Variants in SLC12A1 observed in about 807,000 individuals in gnomAD.
SLC12A1 encodes the protein solute carrier family 12 member 1.
Under a neutral mutation model 130.4 loss-of-function variants are expected in SLC12A1, and 89 were observed. That is an observed-to-expected ratio of 0.68 (90% CI 0.58 to 0.81). SLC12A1 has a LOEUF of 0.81. SLC12A1 is among the 40% of genes least tolerant of loss of function. The pLI, the probability that SLC12A1 is intolerant of heterozygous loss-of-function variation, is 0.00. For missense variants in SLC12A1, 1,310 were observed against 1,336.4 expected, an observed-to-expected ratio of 0.98 and a Z score of 0.31; for synonymous variants, 499 against 460.0, an observed-to-expected ratio of 1.08 and a Z score of -1.09.
chr15:48,245,151 T>C (rs1240736198), intron 11 of SLC12A1, among the ~76,000 whole-genome samples: 1 of 152,250 alleles, frequency 6.6e-6, no homozygotes, highest in East Asian at 1.9e-4. Flanking sequence ...GATCATCTCC[T>C]GGCACTATGT....
At chr15:48,223,040 A>G (rs1000015081) in intron 4 of SLC12A1, 1 of 152,234 alleles carries the variant, frequency 6.6e-6, no homozygotes, top group Non-Finnish European at 1.5e-5. Flanking sequence ...CCATCAAGCA[A>G]GGAAGTTAGG....
At chr15:48,273,644 C>T (rs150258798) in intron 19 of SLC12A1, among the ~76,000 whole-genome samples, 17 of 152,282 alleles carry the variant, frequency 1.1e-4, no homozygotes, top group Admixed American at 9.8e-4. Context: ...CAGAATAGAA[C>T]TATTCTGTTA....
intron 2 of SLC12A1, 55 bp from the exon 3 acceptor site, chr15:48,220,579 T>C (rs2041198887): frequency 3.9e-6 from 6 of 1,521,626 alleles, no homozygotes; most frequent in Non-Finnish European, 4.4e-6. Context: ...AAAAGTTTCA[T>C]GGAACCCTTT....
At chr15:48,250,445 A>G (rs56862594) in intron 14 of SLC12A1, among the ~76,000 whole-genome samples, 4,206 of 152,316 alleles carry the variant, frequency 0.028, 203 homozygotes, top group African/African-American at 0.097. Flanking sequence ...TCTAACGAAT[A>G]CTAGGCTACA....
rs986836079 is a variant in SLC12A1 at position 48,288,100 on chromosome 15, T to G, written c.2687T>G (p.Val896Gly). The change falls in exon 22 of 27, where the codon GTG becomes GGG. Residue 896 changes from valine to glycine, a missense_variant. By Grantham distance (109) the Val-to-Gly change is moderately radical (BLOSUM62 -3). Transcript: ENST00000380993. ...MHVGEFNQKL[V>G]EASTQFKKKQ... ...GTGGGAGAGTTCAACCAGAAACTGG[T>G]GGAAGCCAGCACTCAATTTAAAAAG... 2.5e-6 allele frequency: 4 copies of G among 1,610,982 alleles called. No individual in the cohort carries two copies. The highest frequency in any genetic ancestry group is 1.7e-5 in the Admixed American group (1 of 59,540).
At chr15:48,221,239 G>A in intron 4 of SLC12A1, 1 of 675,392 alleles carries the variant, frequency 1.5e-6, no homozygotes, top group South Asian at 1.6e-5. Context: ...TCTCTCTTTT[G>A]ATAGAGTTTT....
In SLC12A1 at chr15:48,232,830, A is replaced by G. The variant is rs2041397371; in HGVS notation, c.1079A>G (p.Asn360Ser). 6.3e-7 allele frequency: 1 copy of G among 1,590,028 alleles called. No homozygotes were observed. Among genetic ancestry groups the G allele is most frequent in the East Asian group, 2.2e-5 (1 of 44,752 alleles). ...GAGAAAAAGTCCAGAGGTTTCTTTA[A>G]TTACCAAGGTACATGGAATAAATTG... is the stretch of plus-strand genomic sequence containing the variant. ...NNEKKSRGFF[N>S]YQASIFAENF... Residue 360 changes from asparagine to serine, a missense_variant, in exon 8 of 27, where the codon AAT (asparagine) becomes AGT (serine). Transcript: ENST00000380993.
intron 13 of SLC12A1, 52 bp downstream of exon 13, chr15:48,247,512 T>C (rs755056057): frequency 6.6e-6 from 9 of 1,358,706 alleles, no homozygotes; most frequent in Non-Finnish European, 9.1e-6. Flanking sequence ...CTTCTGATTA[T>C]TCATAGGGCT....
Position 48,247,026 on chromosome 15 carries a change from G to A in SLC12A1, c.1560+10G>A, listed in dbSNP as rs200934309. 215 of 1,590,126 alleles carry A rather than the reference G, an allele frequency of 1.4e-4. No homozygotes were observed. In the African/African-American group the frequency reaches 2.6e-3, roughly 19 times the overall value. On this transcript the variant is annotated intron_variant, in intron 12 of 26. Coordinates refer to ENST00000380993, the MANE Select transcript of SLC12A1 (RefSeq NM_000338.3). ...ACCCAAAGTGTTCCAGGTAATACAA[G>A]CACAACAGCTTGTGCTTCTCCCTAT...
intron 17 of SLC12A1, among the ~76,000 whole-genome samples, chr15:48,266,144 A>G (rs1419457252): frequency 6.6e-6 from 1 of 152,152 alleles, no homozygotes; most frequent in Non-Finnish European, 1.5e-5. Context: ...CCTGAGTTTT[A>G]TCAATGTAGA....
At chr15:48,269,369 T>G (rs1196180587) in intron 18 of SLC12A1, among the ~76,000 whole-genome samples, 7 of 152,230 alleles carry the variant, frequency 4.6e-5, no homozygotes, top group Non-Finnish European at 8.8e-5. Context: ...CACTTGATTT[T>G]AAATTATTGA....
chr15:48,288,498 T>A lies in SLC12A1; in HGVS notation c.2855T>A (p.Ile952Asn), dbSNP rs773480610. The change falls in exon 23 of 27, where the codon ATT becomes AAT. Residue 952 changes from isoleucine (I) to asparagine (N), a missense_variant. Physicochemically the swap from Ile to Asn is moderately radical, Grantham distance 149. Coordinates refer to ENST00000380993, the MANE Select transcript of SLC12A1 (RefSeq NM_000338.3). ...TATGTGGGAGGGAAGATCAACCGCA[T>A]TGAAGAAGAAAAAATTGTGTAAGTA... ...RIYVGGKINR[I>N]EEEKIVMASL... is the part of the protein sequence containing the mutation. The A allele has an allele frequency of 1.3e-6, 2 of 1,538,962 alleles. No individual in the cohort carries two copies. The highest frequency in any genetic ancestry group is 1.2e-5 in the South Asian group (1 of 83,580).
intron 17 of SLC12A1, among the ~76,000 whole-genome samples, chr15:48,266,605 A>G (rs1472147805): frequency 1.3e-5 from 2 of 152,170 alleles, no homozygotes; most frequent in African/African-American, 2.4e-5. Flanking sequence ...AATACCCACA[A>G]GGCTGCATTT....
chr15:48,238,025 A>G (rs1247414695), intron 9 of SLC12A1, among the ~76,000 whole-genome samples: 5 of 150,636 alleles, frequency 3.3e-5, no homozygotes, highest in Non-Finnish European at 7.4e-5. Flanking sequence ...GAAGAAATAG[A>G]AAAAAAAATG....
chr15:48,208,038 G>A lies in SLC12A1; in HGVS notation c.319G>A (p.Asp107Asn), dbSNP rs1359543179. Residue 107 changes from aspartate to asparagine, a missense_variant, in exon 2 of 27, where the codon GAT (aspartate) becomes AAT (asparagine). Asp to Asn is a conservative substitution (Grantham distance 23, BLOSUM62 1). Coordinates refer to ENST00000380993, the MANE Select transcript of SLC12A1 (RefSeq NM_000338.3). ...YLQTFGHNTM[D>N]AVPKIEYYRN... ...ACAAACTTTTGGCCACAACACCATG[G>A]ATGCCGTTCCCAAGATAGAGTACTA... is the stretch of plus-strand genomic sequence containing the variant. 1 of 1,613,782 alleles carries A rather than the reference G, an allele frequency of 6.2e-7. No individual in the cohort carries two copies. Among genetic ancestry groups the A allele is most frequent in the African/African-American group, 1.3e-5 (1 of 74,898 alleles).
chr15:48,244,666 A>T, intron 10 of SLC12A1, 87 bp from the exon 11 acceptor site: 3 of 1,319,496 alleles, frequency 2.3e-6, no homozygotes, highest in Non-Finnish European at 3.2e-6. Context: ...GGACCTTTTC[A>T]GTCTCAAAGT....
At chr15:48,216,077 A>T (rs2041117526) in intron 2 of SLC12A1, among the ~76,000 whole-genome samples, 1 of 152,200 alleles carries the variant, frequency 6.6e-6, no homozygotes, top group African/African-American at 2.4e-5. Context: ...CCTCTATGGT[A>T]TAAATATATT....
At chr15:48,259,358 T>C (rs2041744292) in intron 17 of SLC12A1, 47 bp downstream of exon 17, 1 of 1,256,870 alleles carries the variant, frequency 8.0e-7, no homozygotes, top group Admixed American at 1.7e-5. Context: ...TCCCTGCTTA[T>C]CTTGGATTAT....
At position 48,219,385 on chromosome 15, in the gene SLC12A1, G is replaced by A. The variant is rs192764046; in HGVS notation, c.421-1249G>A. ...ATCCTGGCCAACAAGGTGAAGCCCC[G>A]TCTCTACTAAAAATACAAAAAGTAC... is the stretch of plus-strand genomic sequence containing the variant. On this transcript the variant is annotated intron_variant, in intron 2 of 26. Coordinates refer to ENST00000380993, the MANE Select transcript of SLC12A1 (RefSeq NM_000338.3). Among the ~76,000 whole-genome samples the A allele has an allele frequency of 4.1e-3, 623 of 152,044 alleles. 14 individuals carry two copies. Among genetic ancestry groups the A allele is most frequent in the Admixed American group, 0.038 (575 of 15,256 alleles).
Sources: gnomAD v4.1 joint callset for allele counts (sites outside exome capture counted in the v4.1 genomes callset) on GRCh38, gnomAD v4.1.1 for gene constraint, MANE v1.5 for transcripts, NCBI Gene and HGNC (gene_info 2026-07-23, HGNC 2026-07-21) for gene names.